CFAP144: variants seen among roughly 807,000 people sequenced by gnomAD.
CFAP144 encodes cilia and flagella associated protein 144.
the CFAP144 span, among the ~76,000 whole-genome samples, chr1:43,152,411 G>A: frequency 0.012 from 1,838 of 152,232 alleles, 30 homozygotes; most frequent in African/African-American, 0.043. Flanking sequence ...TTGGCAACCA[G>A]AGAGGCCTTC....
chr1:43,151,108 C>T, the CFAP144 span, among the ~76,000 whole-genome samples: 3 of 152,198 alleles, frequency 2.0e-5, no homozygotes, highest in Admixed American at 1.3e-4. Context: ...ACATTGCCTT[C>T]GTTCATTCAT....
chr1:43,144,505 T>C, the CFAP144 span, among the ~76,000 whole-genome samples: 1 of 152,106 alleles, frequency 6.6e-6, no homozygotes, highest in Non-Finnish European at 1.5e-5. Context: ...ACCCATGACT[T>C]CACCTTTTCT....
chr1:43,152,674 TG>T, the CFAP144 span: 1 of 703,000 alleles, frequency 1.4e-6, no homozygotes, highest in Non-Finnish European at 2.3e-6. Context: ...GAAAGATGAG[TG>T]GAGAGACCAG....
chr1:43,155,602 G>C, the CFAP144 span, among the ~76,000 whole-genome samples: 1 of 152,234 alleles, frequency 6.6e-6, no homozygotes, highest in East Asian at 1.9e-4. Context: ...TGCAGGTGTT[G>C]TGTAACCAGA....
At chr1:43,147,914 G>T in the CFAP144 span, 1 of 1,610,020 alleles carries the variant, frequency 6.2e-7, no homozygotes, top group Admixed American at 1.7e-5. Flanking sequence ...GGAGACTGTG[G>T]AAGGCCCAGG....
At chr1:43,154,107 T>G in the CFAP144 span, among the ~76,000 whole-genome samples, 76 of 137,866 alleles carry the variant, frequency 5.5e-4, no homozygotes, top group African/African-American at 1.8e-3. Context: ...TATACTCTCT[T>G]TTTATATATA....
the CFAP144 span, chr1:43,147,738 C>T: frequency 7.1e-7 from 1 of 1,414,612 alleles, no homozygotes; most frequent in Non-Finnish European, 9.2e-7. Context: ...CAGAATAGGG[C>T]GGGGCGCGAA....
At chr1:43,147,401 G>A in the CFAP144 span, among the ~76,000 whole-genome samples, 1 of 148,494 alleles carries the variant, frequency 6.7e-6, no homozygotes, top group Admixed American at 6.7e-5. Flanking sequence ...AAACTATAAA[G>A]TCAACAAGTT....
chr1:43,151,175 C>T, the CFAP144 span, among the ~76,000 whole-genome samples: 1 of 152,178 alleles, frequency 6.6e-6, no homozygotes, highest in Non-Finnish European at 1.5e-5. Flanking sequence ...CAGTTCAAAT[C>T]CTGGTTCTGC....
At chr1:43,153,676 T>A in the CFAP144 span, among the ~76,000 whole-genome samples, 7 of 151,142 alleles carry the variant, frequency 4.6e-5, no homozygotes, top group African/African-American at 1.7e-4. Flanking sequence ...AATAAAAATT[T>A]AAAAAATTAA....
the CFAP144 span, among the ~76,000 whole-genome samples, chr1:43,153,477 TCGCAC>T: frequency 6.6e-6 from 1 of 151,932 alleles, no homozygotes; most frequent in South Asian, 2.1e-4. Context: ...GGGCATGGTG[TCGCAC>T]GCTTATAGTC....
chr1:43,147,683 A>G, the CFAP144 span: 1 of 787,484 alleles, frequency 1.3e-6, no homozygotes, highest in South Asian at 5.8e-5. Flanking sequence ...GGGACCTTCT[A>G]GTAACCAGCC....
At chr1:43,151,046 A>G in the CFAP144 span, among the ~76,000 whole-genome samples, 1,837 of 152,322 alleles carry the variant, frequency 0.012, 30 homozygotes, top group African/African-American at 0.042. Context: ...TTTTTAAAAG[A>G]TGGACATACT....
the CFAP144 span, among the ~76,000 whole-genome samples, chr1:43,152,236 CA>C: frequency 2.8e-4 from 43 of 152,322 alleles, no homozygotes; most frequent in South Asian, 4.2e-3. Context: ...CTGTTGTCGG[CA>C]GCCATACTTA....
At chr1:43,155,059 T>G in the CFAP144 span, among the ~76,000 whole-genome samples, 1 of 152,172 alleles carries the variant, frequency 6.6e-6, no homozygotes, top group East Asian at 1.9e-4. Context: ...GGATTTTTGC[T>G]AGAATTGGAC....
At chr1:43,152,324 C>T in the CFAP144 span, among the ~76,000 whole-genome samples, 67 of 152,310 alleles carry the variant, frequency 4.4e-4, no homozygotes, top group Middle Eastern at 3.4e-3. Flanking sequence ...TGGCCAAACT[C>T]GCTCATGCCT....
the CFAP144 span, among the ~76,000 whole-genome samples, chr1:43,151,249 G>A: frequency 6.6e-6 from 1 of 152,196 alleles, no homozygotes; most frequent in South Asian, 2.1e-4. Context: ...CAGGATTGAT[G>A]TGAGGATTAA....
chr1:43,149,529 C>G, the CFAP144 span, among the ~76,000 whole-genome samples: 384 of 152,320 alleles, frequency 2.5e-3, 3 homozygotes, highest in African/African-American at 8.7e-3. Context: ...CTTCACTTTC[C>G]TTCTAACTAA....
chr1:43,146,399 T>C, the CFAP144 span, among the ~76,000 whole-genome samples: 1 of 152,238 alleles, frequency 6.6e-6, no homozygotes, highest in South Asian at 2.1e-4. Flanking sequence ...CTCATACTTT[T>C]ATTGAACAGC....
Sources: allele counts gnomAD v4.1 joint callset (sites outside exome capture counted in the v4.1 genomes callset), GRCh38; gene constraint gnomAD v4.1.1; transcripts MANE v1.5; gene names NCBI Gene and HGNC (gene_info 2026-07-23, HGNC 2026-07-21).